NXPE4: variants seen among roughly 807,000 people sequenced by gnomAD.
NXPE4 encodes NXPE family member 4.
In NXPE4, 42 loss-of-function variants were observed where a neutral mutation model predicts 33.3. The ratio of observed to expected loss-of-function variants is 1.26; its 90% confidence interval spans 0.98 to 1.63. The LOEUF (loss-of-function observed/expected upper bound fraction) is 1.63, where lower values mean the gene tolerates loss of function less well. NXPE4 is among the 40% of genes most tolerant of loss of function. The pLI, the probability that NXPE4 is intolerant of heterozygous loss-of-function variation, is 0.00. For synonymous variants in NXPE4, 253 were observed against 234.9 expected, an observed-to-expected ratio of 1.08 and a Z score of -0.71; for missense variants, 709 against 647.6, an observed-to-expected ratio of 1.09 and a Z score of -1.03.
the NXPE4 span, among the ~76,000 whole-genome samples, chr11:114,661,306 AAAG>A: frequency 6.6e-6 from 1 of 152,166 alleles, no homozygotes; most frequent in Non-Finnish European, 1.5e-5. Flanking sequence ...CGGTTTTGTA[AAAG>A]AAGAGCACTA....
chr11:114,636,459 T>G, the NXPE4 span, among the ~76,000 whole-genome samples: 1 of 152,150 alleles, frequency 6.6e-6, no homozygotes, highest in African/African-American at 2.4e-5. Context: ...TGTCTCTATT[T>G]CCTTCAGTTC....
chr11:114,657,424 A>C, the NXPE4 span, among the ~76,000 whole-genome samples: 2 of 152,226 alleles, frequency 1.3e-5, no homozygotes, highest in African/African-American at 4.8e-5. Flanking sequence ...AAAGCTCAGC[A>C]GTATTAGTGA....
In NXPE4 at chr11:114,577,161, C is replaced by CATATAT. The variant is rs373459330; in HGVS notation, c.1099+2965_1099+2970dup. ...TATAATGTCATAAATATATATGTGT[C>CATATAT]ATATATATATATATATATAAAATGT... On this transcript the variant is annotated intron_variant, in intron 5 of 5. Coordinates refer to ENST00000375478, the MANE Select transcript of NXPE4 (RefSeq NM_001077639.2). 7.4e-3 allele frequency among the ~76,000 whole-genome samples: 994 copies of CATATAT among 134,564 alleles called. 7 individuals carry two copies. The highest frequency in any genetic ancestry group is 0.017 in the South Asian group (73 of 4,246). 88.3% of individuals were successfully genotyped at this position (134,564 alleles called of 152,430 possible). A position where few individuals can be genotyped will look rare whatever the true frequency, so the allele number is the denominator to read the frequency against.
At chr11:114,588,287 A>G (rs1183985365) in intron 2 of NXPE4, among the ~76,000 whole-genome samples, 1 of 152,150 alleles carries the variant, frequency 6.6e-6, no homozygotes, top group Non-Finnish European at 1.5e-5. Flanking sequence ...GAAATGCTCA[A>G]TGGAGGTGAT....
the NXPE4 span, among the ~76,000 whole-genome samples, chr11:114,636,046 G>T: frequency 2.0e-5 from 3 of 151,894 alleles, no homozygotes; most frequent in Non-Finnish European, 2.9e-5. Flanking sequence ...AACGGTACCA[G>T]TTCCTCCTTG....
the NXPE4 span, among the ~76,000 whole-genome samples, chr11:114,677,889 T>C: frequency 6.6e-6 from 1 of 152,082 alleles, no homozygotes; most frequent in Non-Finnish European, 1.5e-5. Flanking sequence ...GTAGTTGCAG[T>C]GTGACCACTG....
the NXPE4 span, among the ~76,000 whole-genome samples, chr11:114,645,673 G>T: frequency 6.6e-6 from 1 of 151,780 alleles, no homozygotes; most frequent in Non-Finnish European, 1.5e-5. Flanking sequence ...CCAAAGTAAA[G>T]GGAAAGAAAA....
rs1565333856 is a variant in NXPE4, at chr11:114,582,983, G to A, written c.135C>T (p.Tyr45=). 1.9e-6 allele frequency: 3 copies of A among 1,613,728 alleles called. No individual in the cohort carries two copies. Among genetic ancestry groups the A allele is most frequent in the Middle Eastern group, 1.7e-4 (1 of 6,052 alleles). ...SALNLSISLH[Y]WNNSTKSLFP... is the part of the protein sequence containing the mutation. Reference sequence around the variant, plus strand: ...ATAAGGACTTTGTGGAGTTGTTCCAGTAATGGAGGGAGATGGATAAGTTTA... The same window carrying A: ...ATAAGGACTTTGTGGAGTTGTTCCAATAATGGAGGGAGATGGATAAGTTTA... The change falls in exon 3 of 6, where the codon TAC becomes TAT. Residue 45 remains tyrosine, a synonymous_variant. Transcript: ENST00000375478.
intron 2 of NXPE4, among the ~76,000 whole-genome samples, chr11:114,594,122 C>G (rs771688045): frequency 2.6e-5 from 4 of 152,006 alleles, no homozygotes; most frequent in Non-Finnish European, 5.9e-5. Context: ...GATAGTATAA[C>G]AGGGTAACTA....
the NXPE4 span, among the ~76,000 whole-genome samples, chr11:114,602,202 TA>T: frequency 9.2e-6 from 1 of 108,716 alleles, no homozygotes; most frequent in African/African-American, 3.7e-5. Context: ...TAATATATAA[TA>T]CTATATACAA....
the NXPE4 span, among the ~76,000 whole-genome samples, chr11:114,642,748 G>A: frequency 2.6e-5 from 4 of 151,984 alleles, no homozygotes; most frequent in African/African-American, 7.2e-5. Flanking sequence ...CTTTATAGTA[G>A]AATGGTTTAT....
chr11:114,633,238 CATATA>C, the NXPE4 span, among the ~76,000 whole-genome samples: 27 of 129,668 alleles, frequency 2.1e-4, no homozygotes, highest in African/African-American at 8.0e-4. Context: ...ATATATGTAA[CATATA>C]ATATATAATA....
the NXPE4 span, among the ~76,000 whole-genome samples, chr11:114,634,928 G>T: frequency 6.6e-6 from 1 of 151,968 alleles, no homozygotes; most frequent in Non-Finnish European, 1.5e-5. Context: ...TTTGGCTTAG[G>T]ATGAACTTGG....
chr11:114,580,277 C>T lies in NXPE4; in HGVS notation c.954G>A (p.Gly318=). The T allele has an allele frequency of 6.2e-7, 1 of 1,613,956 alleles. No individual in the cohort carries two copies. Among genetic ancestry groups the T allele is most frequent in the Non-Finnish European group, 8.5e-7 (1 of 1,179,870 alleles). ...KFGMTSTIPS[G]HVWRNTWNPV... is the part of the protein sequence containing the mutation. ...GATTCCATGTGTTTCTCCAGACATG[C>T]CCACTGGGGATTGTGGATGTCATTC... Residue 318 remains glycine, a synonymous_variant, in exon 5 of 6, where the codon GGG becomes GGA. Coordinates refer to ENST00000375478, the MANE Select transcript of NXPE4 (RefSeq NM_001077639.2).
At chr11:114,640,463 G>A in the NXPE4 span, among the ~76,000 whole-genome samples, 7 of 151,378 alleles carry the variant, frequency 4.6e-5, no homozygotes, top group South Asian at 2.1e-4. Context: ...TTTCCTCTGG[G>A]TAGACACCAA....
upstream of NXPE4, among the ~76,000 whole-genome samples, chr11:114,597,266 A>G (rs79671828): frequency 8.2e-3 from 1,245 of 152,310 alleles, 18 homozygotes; most frequent in African/African-American, 0.028. Context: ...AAAAGGAGGA[A>G]AAAAAGAAGT....
At chr11:114,633,278 G>T in the NXPE4 span, among the ~76,000 whole-genome samples, 2 of 132,082 alleles carry the variant, frequency 1.5e-5, no homozygotes, top group African/African-American at 5.9e-5. Flanking sequence ...ATAGTATTAT[G>T]TTATATTATA....
chr11:114,649,308 A>T, the NXPE4 span, among the ~76,000 whole-genome samples: 1 of 152,214 alleles, frequency 6.6e-6, no homozygotes, highest in Non-Finnish European at 1.5e-5. Context: ...CATTATTCTT[A>T]GTAGCAAAAA....
At chr11:114,633,661 G>C in the NXPE4 span, among the ~76,000 whole-genome samples, 2 of 144,706 alleles carry the variant, frequency 1.4e-5, no homozygotes, top group Admixed American at 7.3e-5. Flanking sequence ...TCCCCTTCCT[G>C]TGTCCATGTG....
Sources: gnomAD v4.1 joint callset for allele counts (sites outside exome capture counted in the v4.1 genomes callset) on GRCh38, gnomAD v4.1.1 for gene constraint, MANE v1.5 for transcripts, NCBI Gene and HGNC (gene_info 2026-07-23, HGNC 2026-07-21) for gene names.